Variants in ITCH observed in about 807,000 individuals in gnomAD.
ITCH encodes E3 ubiquitin-protein ligase Itchy homolog.
ITCH carries 28 observed loss-of-function variants against 126.8 expected under a neutral mutation model. The observed-to-expected ratio is 0.22, with a 90% CI of 0.16 to 0.30. The LOEUF (loss-of-function observed/expected upper bound fraction) is 0.30, where lower values mean the gene tolerates loss of function less well. Among genes scored for constraint, ITCH ranks in the 10% least tolerant of loss-of-function variants. ITCH has a pLI of 1.00. For missense variants in ITCH, 631 were observed against 1,032.4 expected, an observed-to-expected ratio of 0.61 and a Z score of 5.33; for synonymous variants, 342 against 340.0, an observed-to-expected ratio of 1.01 and a Z score of -0.06.
chr20:34,412,453 T>C (rs1979172819), intron 4 of ITCH, 62 bp from the exon 5 acceptor site: 1 of 1,270,074 alleles, frequency 7.9e-7, no homozygotes, highest in East Asian at 2.4e-5. Context: ...TTGTAATTTA[T>C]TTAGGATCTC....
At position 34,462,088 on chromosome 20, in the gene ITCH, C is replaced by G; in HGVS notation, c.1296-5C>G. 6.2e-7 allele frequency: 1 copy of G among 1,613,104 alleles called. No homozygotes were observed. The highest frequency in any genetic ancestry group is 8.5e-7 in the Non-Finnish European group (1 of 1,179,340). On this transcript the variant is annotated splice_polypyrimidine_tract_variant and splice_region_variant and intron_variant, in intron 13 of 24. Transcript: ENST00000374864. Reference sequence around the variant, plus strand: ...TTTGTTTATGTTTTTTCCTGTGTTTCGTAGTCAATTAAATGAAAAGCCCTT... The same window carrying G: ...TTTGTTTATGTTTTTTCCTGTGTTTGGTAGTCAATTAAATGAAAAGCCCTT...
intron 12 of ITCH, among the ~76,000 whole-genome samples, chr20:34,455,438 C>G (rs1985787892): frequency 6.6e-6 from 1 of 151,328 alleles, no homozygotes; most frequent in South Asian, 2.1e-4. Flanking sequence ...TTCAAGTCTA[C>G]TTAATTTGTT....
At chr20:34,451,643 C>G (rs138880679) in intron 12 of ITCH, among the ~76,000 whole-genome samples, 15 of 152,236 alleles carry the variant, frequency 9.9e-5, no homozygotes, top group Non-Finnish European at 2.1e-4. Flanking sequence ...AGATTGCATT[C>G]CCAGACATGG....
Position 34,363,292 on chromosome 20 carries a change from C to G in ITCH, c.-156C>G, listed in dbSNP as rs1258726866. On this transcript the variant is annotated 5_prime_UTR_variant, in exon 1 of 25. Coordinates refer to ENST00000374864, the MANE Select transcript of ITCH (RefSeq NM_031483.7). ...CGCTCTAGTAGCTGTGGTCGGGGCT[C>G]GGGACCGGCTGCCATCTTAGTCTAG... is the stretch of plus-strand genomic sequence containing the variant. 6.6e-6 allele frequency: 1 copy of G among 152,614 alleles called. No homozygotes were observed. Among genetic ancestry groups the G allele is most frequent in the Non-Finnish European group, 1.5e-5 (1 of 68,144 alleles). 9.5% of individuals were successfully genotyped at this position (152,614 alleles called of 1,614,324 possible). A position where few individuals can be genotyped will look rare whatever the true frequency, so the allele number is the denominator to read the frequency against.
intron 12 of ITCH, among the ~76,000 whole-genome samples, chr20:34,450,220 C>T (rs962918176): frequency 2.0e-5 from 3 of 152,142 alleles, no homozygotes; most frequent in African/African-American, 4.8e-5. Context: ...ATGTCACCAT[C>T]GGAGAAAAAT....
chr20:34,501,361 T>C (rs1290230410), intron 23 of ITCH, among the ~76,000 whole-genome samples: 2 of 152,222 alleles, frequency 1.3e-5, no homozygotes, highest in South Asian at 2.1e-4. Flanking sequence ...TGAAATAATA[T>C]GTGTTTTAAT....
In ITCH at chr20:34,433,354, T is replaced by G. The variant is rs1982580981; in HGVS notation, c.522-5120T>G. 2.0e-5 allele frequency among the ~76,000 whole-genome samples: 3 copies of G among 152,188 alleles called. No homozygotes were observed. The South Asian group carries it at 6.2e-4, about 31-fold the overall frequency. ...TTCAAAATATTTGCATGTTTTGACT[T>G]GGTTGTTCTATTCTGCAGTCTGTCT... On this transcript the variant is annotated intron_variant, in intron 7 of 24. Coordinates refer to ENST00000374864, the MANE Select transcript of ITCH (RefSeq NM_031483.7).
intron 10 of ITCH, 31 bp downstream of exon 10, chr20:34,442,334 T>G (rs1473562781): frequency 6.9e-7 from 1 of 1,450,010 alleles, no homozygotes; most frequent in South Asian, 1.1e-5. Flanking sequence ...AGAATAATTT[T>G]ATTTAGTCAG....
At chr20:34,461,735 CAGG>C (rs1986534199) in intron 13 of ITCH, among the ~76,000 whole-genome samples, 2 of 131,396 alleles carry the variant, frequency 1.5e-5, no homozygotes, top group East Asian at 2.2e-4. Context: ...AAAAAAAAAG[CAGG>C]AGAGAAACAA....
chr20:34,412,750 C>A, intron 5 of ITCH, 111 bp downstream of exon 5: 1 of 925,586 alleles, frequency 1.1e-6, no homozygotes, highest in Non-Finnish European at 1.7e-6. Context: ...TTAAGTTTTA[C>A]TTGGTTATAG....
At chr20:34,428,850 G>A (rs573143677) in intron 7 of ITCH, among the ~76,000 whole-genome samples, 3 of 152,322 alleles carry the variant, frequency 2.0e-5, no homozygotes, top group East Asian at 3.9e-4. Context: ...AGATGTATAT[G>A]TATGTTGAAA....
intron 14 of ITCH, among the ~76,000 whole-genome samples, chr20:34,468,477 C>T (rs560258912): frequency 1.3e-5 from 2 of 152,096 alleles, no homozygotes; most frequent in Admixed American, 1.3e-4. Flanking sequence ...AGTATTCCTA[C>T]CCAGTGCAGT....
chr20:34,467,678 A>ATTTTTTTTTTTTTTT (rs147009659), intron 14 of ITCH, among the ~76,000 whole-genome samples: 5 of 98,050 alleles, frequency 5.1e-5, no homozygotes, highest in Non-Finnish European at 7.9e-5. Flanking sequence ...TTTCTTTTTC[A>ATTTTTTTTTTTTTTT]TTTTTTTTTT....
intron 2 of ITCH, among the ~76,000 whole-genome samples, chr20:34,380,099 T>C (rs1159499120): frequency 1.3e-5 from 2 of 152,072 alleles, no homozygotes; most frequent in Non-Finnish European, 2.9e-5. Flanking sequence ...GGTTTCACCA[T>C]GTTGACCAGG....
chr20:34,449,899 A>G (rs1233978806), intron 12 of ITCH, among the ~76,000 whole-genome samples: 1 of 152,178 alleles, frequency 6.6e-6, no homozygotes, highest in Non-Finnish European at 1.5e-5. Flanking sequence ...TGGAGAACAT[A>G]TTAGTACTTG....
intron 8 of ITCH, among the ~76,000 whole-genome samples, chr20:34,439,495 G>T (rs1181695273): frequency 6.6e-6 from 1 of 152,168 alleles, no homozygotes; most frequent in East Asian, 1.9e-4. Flanking sequence ...GGCTGGTCTG[G>T]AGCTCCTGAG....
intron 23 of ITCH, among the ~76,000 whole-genome samples, chr20:34,493,035 C>A (rs181540520): frequency 2.0e-5 from 3 of 152,308 alleles, no homozygotes; most frequent in Admixed American, 1.3e-4. Context: ...CTTTTTATTT[C>A]TTGCCCCTGG....
At chr20:34,438,894 TG>T (rs1342674226) in intron 8 of ITCH, among the ~76,000 whole-genome samples, 1 of 152,198 alleles carries the variant, frequency 6.6e-6, no homozygotes, top group African/African-American at 2.4e-5. Context: ...GCAGATAACA[TG>T]GCAATAACAT....
intron 17 of ITCH, 125 bp downstream of exon 17, chr20:34,477,985 C>A: frequency 1.6e-6 from 2 of 1,234,224 alleles, no homozygotes; most frequent in Non-Finnish European, 2.3e-6. Flanking sequence ...AATTATTATA[C>A]CTTTATTATG....
Sources: gnomAD v4.1 joint callset for allele counts (sites outside exome capture counted in the v4.1 genomes callset) on GRCh38, gnomAD v4.1.1 for gene constraint, MANE v1.5 for transcripts, NCBI Gene and HGNC (gene_info 2026-07-23, HGNC 2026-07-21) for gene names.